PREX1: variants seen among roughly 807,000 people sequenced by gnomAD.
PREX1 encodes phosphatidylinositol 3,4,5-trisphosphate-dependent Rac exchanger 1 protein.
A neutral mutation model predicts 198.3 loss-of-function variants in PREX1; 41 were observed. The ratio of observed to expected loss-of-function variants is 0.21; its 90% CI spans 0.16 to 0.27. The LOEUF (loss-of-function observed/expected upper bound fraction) is 0.27, where lower values mean the gene tolerates loss of function less well. PREX1 is among the 10% of genes least tolerant of loss of function. The probability of loss-of-function intolerance (pLI) is 1.00; values close to 1 mark genes in which losing one functional copy is unlikely to be tolerated. For synonymous variants in PREX1, 843 were observed against 887.2 expected (o/e 0.95, Z 0.89); for missense variants, 1,620 against 2,200.7 (o/e 0.74, Z 5.28).
intron 10 of PREX1, among the ~76,000 whole-genome samples, chr20:48,686,574 C>A (rs1282944004): frequency 6.6e-6 from 1 of 152,082 alleles, no homozygotes; most frequent in Non-Finnish European, 1.5e-5. Context: ...CCAGGGGGCC[C>A]GGAAGCAGGC....
chr20:48,665,457 C>T (rs2089632073), intron 15 of PREX1, among the ~76,000 whole-genome samples: 1 of 147,618 alleles, frequency 6.8e-6, no homozygotes, highest in Non-Finnish European at 1.5e-5. Flanking sequence ...CTAATCCTGG[C>T]TCCAGATGGC....
chr20:48,823,693 G>A (rs1490800817), intron 1 of PREX1, among the ~76,000 whole-genome samples: 1 of 152,224 alleles, frequency 6.6e-6, no homozygotes, highest in Non-Finnish European at 1.5e-5. Context: ...CAAGTAACAG[G>A]AGGAAGCGCA....
chr20:48,776,560 C>T (rs547106443), intron 1 of PREX1, among the ~76,000 whole-genome samples: 7 of 152,334 alleles, frequency 4.6e-5, no homozygotes, highest in African/African-American at 1.7e-4. Context: ...TTCTAAAGCA[C>T]ATGACTCACA....
chr20:48,653,799 C>T (rs1156484807), intron 19 of PREX1, among the ~76,000 whole-genome samples: 1 of 152,242 alleles, frequency 6.6e-6, no homozygotes, highest in African/African-American at 2.4e-5. Context: ...GTCCTGCAGC[C>T]GCCTTGTGCT....
chr20:48,672,610 C>G (rs1479155662), intron 14 of PREX1, among the ~76,000 whole-genome samples: 1 of 152,272 alleles, frequency 6.6e-6, no homozygotes, highest in Non-Finnish European at 1.5e-5. Flanking sequence ...CCCTCTCACT[C>G]CATTCAGCCA....
At chr20:48,869,924 T>C in the PREX1 span, among the ~76,000 whole-genome samples, 1 of 152,150 alleles carries the variant, frequency 6.6e-6, no homozygotes, top group Non-Finnish European at 1.5e-5. Flanking sequence ...GACAGGTTGA[T>C]AGGTGCAGCA....
intron 16 of PREX1, among the ~76,000 whole-genome samples, chr20:48,659,676 G>A (rs932025713): frequency 6.6e-6 from 1 of 152,174 alleles, no homozygotes; most frequent in African/African-American, 2.4e-5. Flanking sequence ...ACGGGGAGGG[G>A]ACAGGAGAGG....
chr20:48,661,109 C>A (rs1454449979), intron 15 of PREX1, among the ~76,000 whole-genome samples: 1 of 152,040 alleles, frequency 6.6e-6, no homozygotes, highest in Admixed American at 6.6e-5. Flanking sequence ...TACTAAGTGG[C>A]CCTTTACATA....
chr20:48,790,236 C>T (rs562127776), intron 1 of PREX1, among the ~76,000 whole-genome samples: 5 of 152,246 alleles, frequency 3.3e-5, no homozygotes, highest in East Asian at 3.9e-4. Context: ...AGGACACAGC[C>T]GGATGCATCC....
chr20:48,625,435 C>G lies in PREX1; in HGVS notation c.*450G>C, dbSNP rs551438209. 6.1e-6 allele frequency: 1 copy of G among 163,634 alleles called. No homozygotes were observed. Among genetic ancestry groups the G allele is most frequent in the African/African-American group, 2.4e-5 (1 of 41,682 alleles). 10.1% of individuals were successfully genotyped at this position (163,634 alleles called of 1,614,324 possible). ...AGGTTAGTACAGGGTTAGGGTGAACCTGGAAGCTAAGATGAGGAGGAGGAG... is the reference window on the plus strand; with the variant it reads ...AGGTTAGTACAGGGTTAGGGTGAACGTGGAAGCTAAGATGAGGAGGAGGAG... On this transcript the variant is annotated 3_prime_UTR_variant, in exon 40 of 40. Transcript: ENST00000371941.
intron 1 of PREX1, among the ~76,000 whole-genome samples, chr20:48,757,652 GC>G (rs1415995673): frequency 6.6e-6 from 1 of 152,110 alleles, no homozygotes; most frequent in African/African-American, 2.4e-5. Context: ...CACGGTGGGA[GC>G]CCCCGGCCCC....
rs373767546 is a variant in PREX1, at chr20:48,649,985, C to T, written c.3028+11G>A. ...ATCTGAACACAGTTTCTAATAGACA[C>T]ACACAGGTACCTTGCTCCGGGTCAA... is the stretch of plus-strand genomic sequence containing the variant. On this transcript the variant is annotated intron_variant, in intron 24 of 39. Transcript: ENST00000371941. The T allele has an allele frequency of 8.1e-6, 13 of 1,612,976 alleles. No individual in the cohort carries two copies. Among genetic ancestry groups the T allele is most frequent in the African/African-American group, 2.7e-5 (2 of 74,918 alleles).
At chr20:48,742,706 A>G (rs1456839220) in intron 3 of PREX1, among the ~76,000 whole-genome samples, 1 of 152,142 alleles carries the variant, frequency 6.6e-6, no homozygotes, top group Non-Finnish European at 1.5e-5. Context: ...AGGTTGCTTC[A>G]TGCACACTGA....
intron 2 of PREX1, among the ~76,000 whole-genome samples, chr20:48,747,313 G>A (rs1274292453): frequency 6.6e-6 from 1 of 152,192 alleles, no homozygotes; most frequent in African/African-American, 2.4e-5. Flanking sequence ...CACACAGAAG[G>A]CCTATTGATC....
intron 1 of PREX1, among the ~76,000 whole-genome samples, chr20:48,821,116 C>T (rs1600536135): frequency 6.6e-6 from 1 of 152,214 alleles, no homozygotes; most frequent in East Asian, 1.9e-4. Flanking sequence ...GCAAGAGAAT[C>T]GCTTGAACCC....
chr20:48,645,981 G>A lies in PREX1; in HGVS notation c.3382C>T (p.Pro1128Ser), dbSNP rs755486628. The change falls in exon 26 of 40, where the codon CCC becomes TCC. Residue 1128 changes from proline to serine, a missense_variant. This residue lies in a region of PREX1 where 514 missense variants were observed against 611.6 expected (regional missense o/e 0.84). Coordinates refer to ENST00000371941, the MANE Select transcript of PREX1 (RefSeq NM_020820.4). ...ATCTCGCTCTCTTCACTGACCAGGG[G>A]CAGGGAGGAGGCCTCCTCAGCCAAG... is the stretch of plus-strand genomic sequence containing the variant. Reference protein sequence around the residue: ...ASLAEEASSLPLVSEESEMDR... With the variant: ...ASLAEEASSLSLVSEESEMDR... 3 of 1,614,232 alleles carry A rather than the reference G, an allele frequency of 1.9e-6. No homozygotes were observed. The highest frequency in any genetic ancestry group is 1.7e-6 in the Non-Finnish European group (2 of 1,180,038).
chr20:48,667,236 C>T (rs6095229), intron 14 of PREX1, among the ~76,000 whole-genome samples: 9,679 of 152,298 alleles, frequency 0.064, 366 homozygotes, highest in South Asian at 0.13. Flanking sequence ...ACTCCAGCAG[C>T]TCTGAACCAC....
At chr20:48,818,553 C>A (rs1462322779) in intron 1 of PREX1, among the ~76,000 whole-genome samples, 1 of 152,240 alleles carries the variant, frequency 6.6e-6, no homozygotes, top group Non-Finnish European at 1.5e-5. Flanking sequence ...GAGTCAACTG[C>A]AACGGCCCTG....
At chr20:48,867,815 A>C in the PREX1 span, among the ~76,000 whole-genome samples, 1 of 152,036 alleles carries the variant, frequency 6.6e-6, no homozygotes, top group African/African-American at 2.4e-5. Context: ...ACAAACAAAT[A>C]AATAAATAAA....
Sources: allele counts gnomAD v4.1 joint callset (sites outside exome capture counted in the v4.1 genomes callset), GRCh38; gene constraint gnomAD v4.1.1; regional missense constraint gnomAD v4.1.1; transcripts MANE v1.5; gene names NCBI Gene and HGNC (gene_info 2026-07-23, HGNC 2026-07-21).